The following RAD51B variants were observed in gnomAD, a reference collection of about 807,000 sequenced individuals.
RAD51B encodes the protein DNA repair protein RAD51 homolog 2.
A neutral mutation model predicts 42.2 loss-of-function variants in RAD51B; 38 were observed. That is an observed-to-expected ratio of 0.90 (90% CI 0.70 to 1.18). The LOEUF is 1.18. RAD51B is among the 50% of genes most tolerant of loss of function. The probability of loss-of-function intolerance (pLI) is 0.00; values close to 1 mark genes in which losing one functional copy is unlikely to be tolerated. For missense variants in RAD51B, 373 were observed against 400.7 expected (o/e 0.93, Z 0.59); for synonymous variants, 154 against 145.2 (o/e 1.06, Z -0.43).
At chr14:68,410,224 A>G (rs570261155) in intron 8 of RAD51B, among the ~76,000 whole-genome samples, 4 of 152,248 alleles carry the variant, frequency 2.6e-5, no homozygotes, top group African/African-American at 7.2e-5. Flanking sequence ...CCACTGAACT[A>G]CATTTGTCTG....
At chr14:67,906,631 T>C (rs1234640511) in intron 7 of RAD51B, among the ~76,000 whole-genome samples, 2 of 152,080 alleles carry the variant, frequency 1.3e-5, no homozygotes, top group Non-Finnish European at 2.9e-5. Flanking sequence ...GGTTGTTTTA[T>C]ATTTTCAGGA....
chr14:68,444,860 C>T (rs966795687), intron 9 of RAD51B, among the ~76,000 whole-genome samples: 3 of 152,196 alleles, frequency 2.0e-5, no homozygotes, highest in African/African-American at 7.2e-5. Flanking sequence ...ACCCAAATAA[C>T]AGATCCCTCA....
intron 11 of RAD51B, among the ~76,000 whole-genome samples, chr14:68,679,862 G>A (rs1315221679): frequency 6.6e-6 from 1 of 152,178 alleles, no homozygotes; most frequent in African/African-American, 2.4e-5. Flanking sequence ...AATCCCAAGC[G>A]AGTAGTCCAT....
intron 10 of RAD51B, among the ~76,000 whole-genome samples, chr14:68,566,825 A>G (rs1889443626): frequency 6.6e-6 from 1 of 152,058 alleles, no homozygotes; most frequent in South Asian, 2.1e-4. Context: ...AAGATTCTTC[A>G]TTATCTGGCC....
intron 7 of RAD51B, among the ~76,000 whole-genome samples, chr14:68,118,865 C>T (rs753896934): frequency 3.3e-5 from 5 of 152,034 alleles, no homozygotes; most frequent in Non-Finnish European, 7.4e-5. Flanking sequence ...TCTTTGAGGC[C>T]AGTGTTTAAA....
At chr14:68,014,291 G>C (rs1022000633) in intron 7 of RAD51B, among the ~76,000 whole-genome samples, 5 of 142,940 alleles carry the variant, frequency 3.5e-5, no homozygotes, top group African/African-American at 1.3e-4. Flanking sequence ...TTTTACATTT[G>C]TTGATTCTGC....
downstream of RAD51B, among the ~76,000 whole-genome samples, chr14:68,480,258 GT>G (rs1883069764): frequency 6.6e-6 from 1 of 151,730 alleles, no homozygotes; most frequent in Non-Finnish European, 1.5e-5. Context: ...CTTTTTTTTA[GT>G]AGAGATGAAG....
At chr14:68,403,859 T>C (rs1241685791) in intron 8 of RAD51B, among the ~76,000 whole-genome samples, 1 of 152,254 alleles carries the variant, frequency 6.6e-6, no homozygotes, top group African/African-American at 2.4e-5. Context: ...CAGTGTTTGA[T>C]CATCATTGTT....
chr14:68,122,292 A>T (rs541480704), intron 7 of RAD51B, among the ~76,000 whole-genome samples: 1 of 152,340 alleles, frequency 6.6e-6, no homozygotes, highest in East Asian at 1.9e-4. Context: ...GTCAAATGAC[A>T]AATGAAAATC....
At chr14:67,820,402 A>G (rs2040585464) in intron 1 of RAD51B, among the ~76,000 whole-genome samples, 1 of 152,136 alleles carries the variant, frequency 6.6e-6, no homozygotes, top group Non-Finnish European at 1.5e-5. Context: ...AATATTAGCT[A>G]ATATTGTTCC....
intron 7 of RAD51B, among the ~76,000 whole-genome samples, chr14:68,166,121 G>A (rs894775562): frequency 6.6e-6 from 1 of 150,482 alleles, no homozygotes; most frequent in Non-Finnish European, 1.5e-5. Context: ...TCTGTTTTCA[G>A]CTTCATTTTA....
At chr14:67,903,649 A>G (rs1401055410) in intron 7 of RAD51B, among the ~76,000 whole-genome samples, 6 of 152,182 alleles carry the variant, frequency 3.9e-5, no homozygotes, top group Admixed American at 3.9e-4. Context: ...GCCTCAGTTC[A>G]TGACAGTCAT....
At chr14:68,528,625 G>GA (rs978685641) in intron 10 of RAD51B, among the ~76,000 whole-genome samples, 1 of 151,858 alleles carries the variant, frequency 6.6e-6, no homozygotes, top group East Asian at 1.9e-4. Flanking sequence ...TATTTAGTGG[G>GA]AAAAAAAATC....
intron 7 of RAD51B, among the ~76,000 whole-genome samples, chr14:67,912,779 C>T (rs1429051087): frequency 6.6e-6 from 1 of 151,334 alleles, no homozygotes; most frequent in Non-Finnish European, 1.5e-5. Context: ...GATCTCGGCT[C>T]ACTGCAACCT....
chr14:67,867,581 A>G lies in RAD51B; in HGVS notation c.452+2442A>G, dbSNP rs186982581. Among the ~76,000 whole-genome samples, 28 of 152,312 alleles carry G rather than the reference A, an allele frequency of 1.8e-4. 1 individual carries two copies. In the East Asian group the frequency reaches 4.4e-3, roughly 24 times the overall value. ...TAGTCCTCTTGTAGATTTCTCACTG[A>G]GTCACCTCTATATGTAAAAAGAGGC... On this transcript the variant is annotated intron_variant, in intron 5 of 10. Coordinates refer to ENST00000471583, the MANE Select transcript of RAD51B (RefSeq NM_133510.4).
chr14:68,256,413 T>C (rs1276874801), intron 7 of RAD51B, among the ~76,000 whole-genome samples: 2 of 152,222 alleles, frequency 1.3e-5, no homozygotes, highest in Non-Finnish European at 2.9e-5. Flanking sequence ...AGGTGTCATC[T>C]AATTTGATGA....
chr14:68,674,433 T>C (rs1247948573), intron 11 of RAD51B, among the ~76,000 whole-genome samples: 1 of 152,088 alleles, frequency 6.6e-6, no homozygotes, highest in Non-Finnish European at 1.5e-5. Flanking sequence ...ATATGTTACA[T>C]TATGTATCGT....
downstream of RAD51B, among the ~76,000 whole-genome samples, chr14:68,478,831 T>G (rs990902948): frequency 1.2e-4 from 18 of 152,124 alleles, no homozygotes; most frequent in African/African-American, 4.1e-4. Flanking sequence ...AAAGACTGAG[T>G]CCTTTAACGA....
At chr14:68,380,635 A>G (rs2139984856) in intron 8 of RAD51B, among the ~76,000 whole-genome samples, 1 of 152,326 alleles carries the variant, frequency 6.6e-6, no homozygotes, top group East Asian at 1.9e-4. Flanking sequence ...AAAAACAGAA[A>G]AATGCCAAGT....
Sources: gnomAD v4.1 joint callset for allele counts (sites outside exome capture counted in the v4.1 genomes callset) on GRCh38, gnomAD v4.1.1 for gene constraint, MANE v1.5 for transcripts, NCBI Gene and HGNC (gene_info 2026-07-23, HGNC 2026-07-21) for gene names.